Variants in GRIN2A observed in about 807,000 individuals in gnomAD.
GRIN2A encodes glutamate receptor ionotropic, NMDA 2A.
GRIN2A carries 22 observed loss-of-function variants against 113.4 expected under a neutral mutation model. The ratio of observed to expected loss-of-function variants is 0.19; its 90% CI spans 0.14 to 0.28. GRIN2A has a LOEUF of 0.28. Ranked by LOEUF, GRIN2A falls within the 10% of genes least tolerant of loss-of-function variation. The pLI, the probability that GRIN2A is intolerant of heterozygous loss-of-function variation, is 1.00. For synonymous variants in GRIN2A, 827 were observed against 738.4 expected (o/e 1.12, Z -1.94); for missense variants, 1,502 against 1,887.0 (o/e 0.80, Z 3.78).
chr16:9,819,537 T>A (rs899391083), intron 10 of GRIN2A, among the ~76,000 whole-genome samples: 21 of 150,412 alleles, frequency 1.4e-4, no homozygotes, highest in East Asian at 5.8e-4. Context: ...AAAAAAAAAA[T>A]TTAAATAATT....
At chr16:10,135,248 T>C (rs946778769) in intron 2 of GRIN2A, among the ~76,000 whole-genome samples, 1 of 152,218 alleles carries the variant, frequency 6.6e-6, no homozygotes, top group African/African-American at 2.4e-5. Context: ...TGTCCTTTCC[T>C]CCAGTTTTCA....
At chr16:10,179,788 A>G (rs1410678837) in intron 2 of GRIN2A, 11 of 602,172 alleles carry the variant, frequency 1.8e-5, no homozygotes, top group Admixed American at 5.1e-5. Flanking sequence ...TGTGTACACC[A>G]TTTTCAGAAA....
chr16:9,939,414 G>T (rs2044803170), intron 2 of GRIN2A, among the ~76,000 whole-genome samples: 1 of 152,162 alleles, frequency 6.6e-6, no homozygotes, highest in Non-Finnish European at 1.5e-5. Context: ...GGCCTATTCA[G>T]AGCATAAGGG....
chr16:9,890,104 C>T (rs2043664909), intron 4 of GRIN2A, among the ~76,000 whole-genome samples: 1 of 152,174 alleles, frequency 6.6e-6, no homozygotes, highest in South Asian at 2.1e-4. Flanking sequence ...CCTCTAGGGT[C>T]ACTCAGGCCT....
chr16:10,095,054 G>A (rs1044482181), intron 2 of GRIN2A, among the ~76,000 whole-genome samples: 2 of 152,006 alleles, frequency 1.3e-5, no homozygotes, highest in African/African-American at 4.8e-5. Flanking sequence ...TGATAGGACT[G>A]GTGAACTTGT....
chr16:10,152,375 C>A (rs1199484365), intron 2 of GRIN2A, among the ~76,000 whole-genome samples: 1 of 152,164 alleles, frequency 6.6e-6, no homozygotes. Context: ...TGGAGAAGCT[C>A]ATGGAAATGG....
intron 2 of GRIN2A, among the ~76,000 whole-genome samples, chr16:9,938,844 G>C (rs553352283): frequency 1.3e-5 from 2 of 152,192 alleles, no homozygotes; most frequent in African/African-American, 2.4e-5. Context: ...CCTCCTTTGA[G>C]TCTATATGGT....
chr16:10,039,829 G>GAGAGAGAGAGAGAGAGAGAT (rs1193122491), intron 2 of GRIN2A, among the ~76,000 whole-genome samples: 1 of 140,226 alleles, frequency 7.1e-6, no homozygotes, highest in Non-Finnish European at 1.6e-5. Context: ...GAGAGAGAGA[G>GAGAGAGAGAGAGAGAGAGAT]AGAGAGGAGT....
At chr16:9,840,411 G>A (rs753651232) in intron 7 of GRIN2A, among the ~76,000 whole-genome samples, 15 of 152,028 alleles carry the variant, frequency 9.9e-5, no homozygotes, top group African/African-American at 1.9e-4. Context: ...CCATGATCCC[G>A]TCACCTCCCA....
At position 10,036,439 on chromosome 16, in the gene GRIN2A, TTTTTTTTTTC is replaced by T. The variant is rs1410732603; in HGVS notation, c.415-97898_415-97889del. Reference sequence around the variant, plus strand: ...CATAATAAAAATATTAGTACTTACTTTTTTTTTTTCTTTTTTTTTTTTTTTTTTTTTTTTT... The same window carrying T: ...CATAATAAAAATATTAGTACTTACTTTTTTTTTTTTTTTTTTTTTTTTTTT... On this transcript the variant is annotated intron_variant, in intron 2 of 12. Coordinates refer to ENST00000330684, the MANE Select transcript of GRIN2A (RefSeq NM_001134407.3). Among the ~76,000 whole-genome samples the T allele has an allele frequency of 6.2e-3, 436 of 70,346 alleles. 15 individuals carry two copies. The highest frequency in any genetic ancestry group is 0.028 in the African/African-American group (407 of 14,776). The allele number at this position is 70,346 out of a possible 152,430, so 46.1% of individuals were successfully genotyped here. A position where few individuals can be genotyped will look rare whatever the true frequency, so the allele number is the denominator to read the frequency against.
upstream of GRIN2A, chr16:10,182,566 A>T (rs762782847): frequency 2.7e-5 from 4 of 150,314 alleles, no homozygotes; most frequent in Non-Finnish European, 5.9e-5. Flanking sequence ...CCCTCTTGTG[A>T]TCCTGCCGCT....
intron 2 of GRIN2A, among the ~76,000 whole-genome samples, chr16:9,997,575 A>G (rs2046248525): frequency 6.6e-6 from 1 of 152,150 alleles, no homozygotes; most frequent in Non-Finnish European, 1.5e-5. Flanking sequence ...CATCCCCAAC[A>G]TCGACCATTC....
intron 2 of GRIN2A, among the ~76,000 whole-genome samples, chr16:10,139,692 T>TG (rs1339206391): frequency 1.3e-5 from 2 of 152,038 alleles, no homozygotes; most frequent in Admixed American, 6.6e-5. Context: ...CAAAGTGGGG[T>TG]GGGGGGAATA....
At chr16:9,864,275 A>C (rs1421922656) in intron 4 of GRIN2A, among the ~76,000 whole-genome samples, 1 of 152,198 alleles carries the variant, frequency 6.6e-6, no homozygotes, top group South Asian at 2.1e-4. Flanking sequence ...CAAACTTGCC[A>C]ATAAGAGTTA....
intron 2 of GRIN2A, among the ~76,000 whole-genome samples, chr16:10,024,956 T>G (rs528061999): frequency 1.2e-3 from 179 of 152,068 alleles, no homozygotes; most frequent in Non-Finnish European, 2.0e-3. Flanking sequence ...TAAATGAATT[T>G]TTTAAAAAAA....
At chr16:9,780,416 G>C (rs934658058) in intron 11 of GRIN2A, among the ~76,000 whole-genome samples, 32 of 152,226 alleles carry the variant, frequency 2.1e-4, no homozygotes. Context: ...ATAATGAGCT[G>C]TGGTTACATG....
rs1023590525 is a variant in GRIN2A at position 9,758,382 on chromosome 16, A to G, written c.*4767T>C. On this transcript the variant is annotated 3_prime_UTR_variant, in exon 13 of 13. Transcript: ENST00000330684. The stretch of plus-strand genomic sequence containing the variant: ...CTCATCCCAGAGTTTTGTTTTTTAA[A>G]GAAGGGGCCAAGAACGCCAACACCC... 5.8e-5 allele frequency: 13 copies of G among 223,278 alleles called. No individual in the cohort carries two copies. The highest frequency in any genetic ancestry group is 1.7e-4 in the Admixed American group (3 of 17,446). 13.8% of individuals were successfully genotyped at this position (223,278 alleles called of 1,614,324 possible). A position where few individuals can be genotyped will look rare whatever the true frequency, so the allele number is the denominator to read the frequency against.
chr16:10,128,658 G>A (rs1482313885), intron 2 of GRIN2A, among the ~76,000 whole-genome samples: 2 of 152,042 alleles, frequency 1.3e-5, no homozygotes, highest in East Asian at 1.9e-4. Flanking sequence ...CAGATGACTG[G>A]GCAAAAATAG....
At chr16:9,808,101 G>A (rs969642523) in intron 10 of GRIN2A, among the ~76,000 whole-genome samples, 2 of 152,170 alleles carry the variant, frequency 1.3e-5, no homozygotes, top group African/African-American at 2.4e-5. Flanking sequence ...CAGATTTCAC[G>A]AAGCATAGCG....
Sources: gnomAD v4.1 joint callset for allele counts (sites outside exome capture counted in the v4.1 genomes callset) on GRCh38, gnomAD v4.1.1 for gene constraint, MANE v1.5 for transcripts, NCBI Gene and HGNC (gene_info 2026-07-23, HGNC 2026-07-21) for gene names.